The following SHCBP1 variants were observed in gnomAD, a reference collection of about 807,000 sequenced individuals.
The protein encoded by SHCBP1 is SHC binding and spindle associated 1.
In SHCBP1, 60 loss-of-function variants were observed where a neutral mutation model predicts 75.1. The observed-to-expected ratio is 0.80, with a 90% CI of 0.65 to 0.99. SHCBP1 has a LOEUF of 0.99. Ranked by LOEUF, SHCBP1 falls within the 50% of genes least tolerant of loss-of-function variation. SHCBP1 has a pLI of 0.00. For missense variants in SHCBP1, 709 were observed against 809.4 expected, an observed-to-expected ratio of 0.88 and a Z score of 1.50; for synonymous variants, 290 against 293.2, an observed-to-expected ratio of 0.99 and a Z score of 0.11.
At chr16:46,594,466 A>G (rs1413157575) in intron 10 of SHCBP1, among the ~76,000 whole-genome samples, 3 of 152,340 alleles carry the variant, frequency 2.0e-5, no homozygotes, top group African/African-American at 7.2e-5. Flanking sequence ...AGAGGATATA[A>G]GGGTGGCAAA....
rs1354099588 is a variant in SHCBP1, at chr16:46,582,060, GA to G, written c.1694-7del. On this transcript the variant is annotated splice_region_variant and splice_polypyrimidine_tract_variant and intron_variant, in intron 12 of 12. Coordinates refer to ENST00000303383, the MANE Select transcript of SHCBP1 (RefSeq NM_024745.5). ...AATTTTAAGCGCTTTATTTTCTGGA[GA>G]AACAAACAAATAATAACAAAGTTAA... 1.9e-6 allele frequency: 3 copies of G among 1,587,238 alleles called. No individual in the cohort carries two copies. The African/African-American group carries it at 4.1e-5, about 22-fold the overall frequency.
intron 10 of SHCBP1, among the ~76,000 whole-genome samples, chr16:46,590,351 G>A (rs1465839345): frequency 6.6e-6 from 1 of 151,986 alleles, no homozygotes; most frequent in Non-Finnish European, 1.5e-5. Flanking sequence ...CTGCACAGCA[G>A]AACAAACTAC....
Position 46,599,961 on chromosome 16 carries a change from T to A in SHCBP1, c.1215A>T (p.Gly405=), listed in dbSNP as rs377440999. The change falls in exon 9 of 13, where the codon GGA becomes GGT. Residue 405 remains glycine (G), a splice_region_variant and synonymous_variant. Transcript: ENST00000303383. ...TCACAATGTCATCTGGTAGGCCATATCCTAAGGAAGAGAGAGCAACAACAC... is the reference window on the plus strand; with the variant it reads ...TCACAATGTCATCTGGTAGGCCATAACCTAAGGAAGAGAGAGCAACAACAC... ...FSIADSIELE[G]YGLPDDIVIE... 3.1e-6 allele frequency: 5 copies of A among 1,613,086 alleles called. No individual in the cohort carries two copies. In the African/African-American group the frequency reaches 6.7e-5, roughly 22 times the overall value.
At chr16:46,595,421 G>C (rs1965120405) in intron 10 of SHCBP1, 131 bp downstream of exon 10, 2 of 772,424 alleles carry the variant, frequency 2.6e-6, no homozygotes, top group South Asian at 2.9e-5. Context: ...GCACAGTTGA[G>C]TTTGACTGAC....
intron 10 of SHCBP1, among the ~76,000 whole-genome samples, chr16:46,590,876 AT>A (rs1458818507): frequency 1.3e-5 from 2 of 152,238 alleles, no homozygotes; most frequent in Non-Finnish European, 2.9e-5. Flanking sequence ...ATGTATCTTT[AT>A]TGAGGCACTA....
intron 1 of SHCBP1, 92 bp from the exon 2 acceptor site, chr16:46,618,464 C>A: frequency 7.4e-7 from 1 of 1,342,900 alleles, no homozygotes; most frequent in Non-Finnish European, 9.8e-7. Context: ...AAACAAAATA[C>A]AAACAAGAAT....
intron 10 of SHCBP1, among the ~76,000 whole-genome samples, chr16:46,586,894 G>C (rs532350655): frequency 6.6e-6 from 1 of 151,970 alleles, no homozygotes; most frequent in East Asian, 1.9e-4. Flanking sequence ...ATTCTAAGAA[G>C]AAGGAAAAAT....
intron 5 of SHCBP1, 89 bp from the exon 6 acceptor site, chr16:46,604,550 G>A: frequency 1.2e-6 from 1 of 843,476 alleles, no homozygotes; most frequent in Non-Finnish European, 2.0e-6. Flanking sequence ...CAAAGACCCA[G>A]TAAGAGTTTT....
intron 12 of SHCBP1, 134 bp downstream of exon 12, chr16:46,583,382 G>T: frequency 1.1e-6 from 1 of 877,684 alleles, no homozygotes; most frequent in Non-Finnish European, 1.7e-6. Context: ...ATGTTACCAA[G>T]CTTCTCTCTC....
At position 46,581,655 on chromosome 16, in the gene SHCBP1, T is replaced by C; in HGVS notation, c.*74A>G. 1 of 1,327,314 alleles carries C rather than the reference T, an allele frequency of 7.5e-7. No individual in the cohort carries two copies. The highest frequency in any genetic ancestry group is 1.1e-6 in the Non-Finnish European group (1 of 950,600). 82.2% of individuals were successfully genotyped at this position (1,327,314 alleles called of 1,614,324 possible). ...ATAAAATACAGACAATACAGCAAAC[T>C]ACAATGGCAGCAGTGATTCTTAGGG... On this transcript the variant is annotated 3_prime_UTR_variant, in exon 13 of 13. Transcript: ENST00000303383.
chr16:46,619,941 A>G (rs577768739), intron 1 of SHCBP1, among the ~76,000 whole-genome samples: 1 of 152,306 alleles, frequency 6.6e-6, no homozygotes, highest in African/African-American at 2.4e-5. Flanking sequence ...AGGCTGAGGC[A>G]GGAGAATCAT....
rs150555893 is a variant in SHCBP1 at position 46,598,984 on chromosome 16, T to A, written c.1345+847A>T. Among the ~76,000 whole-genome samples, 152 of 152,302 alleles carry A rather than the reference T, an allele frequency of 1.0e-3. 2 individuals are homozygous for A. Among genetic ancestry groups the A allele is most frequent in the African/African-American group, 3.6e-3 (148 of 41,570 alleles). On this transcript the variant is annotated intron_variant, in intron 9 of 12. Coordinates refer to ENST00000303383, the MANE Select transcript of SHCBP1 (RefSeq NM_024745.5). ...TTCTTCTACAGCTTCCTCACCTCCTTCAGTCTTCACAGAATTGAAGGAAGT... is the reference window on the plus strand; with the variant it reads ...TTCTTCTACAGCTTCCTCACCTCCTACAGTCTTCACAGAATTGAAGGAAGT...
chr16:46,619,926 T>C (rs1386631374), intron 1 of SHCBP1, among the ~76,000 whole-genome samples: 1 of 151,934 alleles, frequency 6.6e-6, no homozygotes, highest in Admixed American at 6.6e-5. Context: ...TCCCAGCTAC[T>C]TGGGAGGCTG....
intron 10 of SHCBP1, among the ~76,000 whole-genome samples, chr16:46,586,964 CA>C (rs1567442261): frequency 1.3e-5 from 2 of 149,554 alleles, no homozygotes; most frequent in Admixed American, 1.3e-4. Context: ...GTTATCTAAA[CA>C]AAAAAGAAAT....
intron 4 of SHCBP1, among the ~76,000 whole-genome samples, chr16:46,610,543 A>ATTT (rs1567452466): frequency 1.5e-4 from 2 of 13,584 alleles, no homozygotes; most frequent in Admixed American, 1.3e-3. Flanking sequence ...CCATGGGGTC[A>ATTT]ATTTTTTTTT....
At chr16:46,617,594 A>G in intron 3 of SHCBP1, 40 bp downstream of exon 3, 20 of 1,525,350 alleles carry the variant, frequency 1.3e-5, no homozygotes, top group Non-Finnish European at 1.8e-5. Context: ...TAAAGTGCTT[A>G]AAGCTAGAGA....
Position 46,589,438 on chromosome 16 carries a change from C to T in SHCBP1, c.1465-5349G>A, listed in dbSNP as rs138468874. Among the ~76,000 whole-genome samples, 635 of 152,216 alleles carry T rather than the reference C, an allele frequency of 4.2e-3. 1 individual carries two copies. Among genetic ancestry groups the T allele is most frequent in the Non-Finnish European group, 6.6e-3 (448 of 68,012 alleles). On this transcript the variant is annotated intron_variant, in intron 10 of 12. Transcript: ENST00000303383. Reference sequence around the variant, plus strand: ...ATCTAGAAAACCCCATCGTCTCAGCCCAATATCTCCTTAAGCTGATAAGCA... The same window carrying T: ...ATCTAGAAAACCCCATCGTCTCAGCTCAATATCTCCTTAAGCTGATAAGCA...
chr16:46,615,752 T>TA (rs1393425582), intron 4 of SHCBP1, among the ~76,000 whole-genome samples, 194 bp downstream of exon 4: 7 of 150,450 alleles, frequency 4.7e-5, no homozygotes, highest in Non-Finnish European at 7.4e-5. Flanking sequence ...AATTAAAAAA[T>TA]AAAAAAAAAG....
rs1964851325 is a variant in SHCBP1 at position 46,580,328 on chromosome 16, A to G, written c.*1401T>C. Among the ~76,000 whole-genome samples the G allele has an allele frequency of 6.6e-6, 1 of 152,198 alleles. No individual in the cohort carries two copies. The highest frequency in any genetic ancestry group is 2.4e-5 in the African/African-American group (1 of 41,450). ...AGTAAAAATACCTTTCAATGATCAAATAATAAATCTAACATAAATCCTACA... is the reference window on the plus strand; with the variant it reads ...AGTAAAAATACCTTTCAATGATCAAGTAATAAATCTAACATAAATCCTACA... On this transcript the variant is annotated 3_prime_UTR_variant, in exon 13 of 13. Transcript: ENST00000303383.
Sources: gnomAD v4.1 joint callset for allele counts (sites outside exome capture counted in the v4.1 genomes callset) on GRCh38, gnomAD v4.1.1 for gene constraint, MANE v1.5 for transcripts, NCBI Gene and HGNC (gene_info 2026-07-23, HGNC 2026-07-21) for gene names.